The following CDH13 variants were observed in gnomAD, a reference collection of about 807,000 sequenced individuals.
CDH13 encodes cadherin 13.
In CDH13, 24 loss-of-function variants were observed where a neutral mutation model predicts 63.8. The observed-to-expected ratio is 0.38, with a 90% CI of 0.27 to 0.53. The LOEUF is 0.53. CDH13 is among the 20% of genes least tolerant of loss of function. The probability of loss-of-function intolerance (pLI) is 0.85; values close to 1 mark genes in which losing one functional copy is unlikely to be tolerated. For missense variants in CDH13, 1,049 were observed against 903.1 expected, an observed-to-expected ratio of 1.16 and a Z score of -2.07; for synonymous variants, 503 against 355.3, an observed-to-expected ratio of 1.42 and a Z score of -4.67.
At chr16:83,676,427 C>G (rs1914961246) in intron 9 of CDH13, among the ~76,000 whole-genome samples, 1 of 152,174 alleles carries the variant, frequency 6.6e-6, no homozygotes, top group Admixed American at 6.5e-5. Flanking sequence ...TCTGTCCCCT[C>G]CAGGATCCTA....
chr16:82,812,031 C>T (rs1564024), intron 1 of CDH13, among the ~76,000 whole-genome samples: 4 of 151,926 alleles, frequency 2.6e-5, no homozygotes, highest in Non-Finnish European at 4.4e-5. Context: ...GACCAGGTTA[C>T]GAAGGGATGT....
Position 83,349,687 on chromosome 16 carries a change from G to A in CDH13, c.781+4681G>A, listed in dbSNP as rs149377788. ...ATGATCTCAGCTCACTGCAACCTGTGCCTCCTGCATTCAAGCAATTCTCCT... is the reference window on the plus strand; with the variant it reads ...ATGATCTCAGCTCACTGCAACCTGTACCTCCTGCATTCAAGCAATTCTCCT... On this transcript the variant is annotated intron_variant, in intron 6 of 13. Transcript: ENST00000567109. Among the ~76,000 whole-genome samples, 930 of 151,940 alleles carry A rather than the reference G, an allele frequency of 6.1e-3. 14 individuals are homozygous for A. Among genetic ancestry groups the A allele is most frequent in the African/African-American group, 0.022 (902 of 41,412 alleles).
At chr16:83,495,506 T>G (rs1017117330) in intron 7 of CDH13, among the ~76,000 whole-genome samples, 3 of 152,174 alleles carry the variant, frequency 2.0e-5, no homozygotes, top group Admixed American at 1.3e-4. Context: ...GGTATCAGAC[T>G]CTTAGTTAAT....
intron 2 of CDH13, among the ~76,000 whole-genome samples, chr16:82,894,324 C>T (rs1280366872): frequency 6.6e-6 from 1 of 152,198 alleles, no homozygotes; most frequent in Non-Finnish European, 1.5e-5. Context: ...AGGCAACTGA[C>T]ATTTTACTGG....
chr16:83,431,187 T>C (rs1186710634), intron 6 of CDH13, among the ~76,000 whole-genome samples: 1 of 151,990 alleles, frequency 6.6e-6, no homozygotes, highest in East Asian at 1.9e-4. Flanking sequence ...ATGGTGTATA[T>C]GTGCCACATT....
intron 5 of CDH13, among the ~76,000 whole-genome samples, chr16:83,292,693 C>G (rs147755974): frequency 6.6e-6 from 1 of 152,168 alleles, no homozygotes; most frequent in Admixed American, 6.6e-5. Flanking sequence ...CGTTGGGAAT[C>G]TCATTAAAAA....
At chr16:82,643,418 C>T (rs16957941) in intron 1 of CDH13, among the ~76,000 whole-genome samples, 1,796 of 152,226 alleles carry the variant, frequency 0.012, 39 homozygotes, top group African/African-American at 0.041. Flanking sequence ...GATCAGAAAG[C>T]GGAAGCAGAA....
At chr16:83,240,801 A>ATCC (rs1904369306) in intron 5 of CDH13, among the ~76,000 whole-genome samples, 1 of 128,320 alleles carries the variant, frequency 7.8e-6, no homozygotes, top group Admixed American at 9.8e-5. Context: ...TGCTCAAGTG[A>ATCC]TCCTCCTGTC....
At position 82,933,777 on chromosome 16, in the gene CDH13, C is replaced by T. The variant is rs566179719; in HGVS notation, c.157+75304C>T. On this transcript the variant is annotated intron_variant, in intron 2 of 13. Transcript: ENST00000567109. ...GCCAAAACATAGGGGCTACAGGATC[C>T]GGGCAAGTCTGAAATCCAACAAGGC... Among the ~76,000 whole-genome samples the T allele has an allele frequency of 3.9e-5, 6 of 152,286 alleles. No individual in the cohort carries two copies. In the South Asian group the frequency reaches 6.2e-4, roughly 16 times the overall value.
intron 5 of CDH13, among the ~76,000 whole-genome samples, chr16:83,303,166 T>G (rs1014118676): frequency 3.9e-5 from 6 of 152,304 alleles, no homozygotes; most frequent in Non-Finnish European, 5.9e-5. Flanking sequence ...CATGGGCCAG[T>G]GTTGGGGCCA....
At chr16:83,192,097 C>A (rs1372423766) in intron 4 of CDH13, among the ~76,000 whole-genome samples, 1 of 152,172 alleles carries the variant, frequency 6.6e-6, no homozygotes, top group Non-Finnish European at 1.5e-5. Flanking sequence ...TTATTTATAC[C>A]ACCTGGCACA....
chr16:83,009,654 A>T (rs1346411433), intron 2 of CDH13, among the ~76,000 whole-genome samples: 1 of 152,182 alleles, frequency 6.6e-6, no homozygotes, highest in East Asian at 1.9e-4. Context: ...TGTTCTTTTT[A>T]AAAAATTGTA....
At chr16:82,899,734 G>A (rs555551550) in intron 2 of CDH13, among the ~76,000 whole-genome samples, 1 of 152,168 alleles carries the variant, frequency 6.6e-6, no homozygotes, top group South Asian at 2.1e-4. Flanking sequence ...CATTTAGTGT[G>A]GACACATTCC....
chr16:83,014,030 C>G (rs1279399476), intron 2 of CDH13, among the ~76,000 whole-genome samples: 1 of 152,012 alleles, frequency 6.6e-6, no homozygotes, highest in Non-Finnish European at 1.5e-5. Flanking sequence ...AAATGGCAAA[C>G]AAGACACTTT....
chr16:83,552,915 C>A (rs1006556434), intron 7 of CDH13, among the ~76,000 whole-genome samples: 1 of 152,064 alleles, frequency 6.6e-6, no homozygotes, highest in Non-Finnish European at 1.5e-5. Flanking sequence ...CCTGTCTCTA[C>A]TAAAATGACA....
chr16:83,684,463 G>A (rs191521146), intron 10 of CDH13, among the ~76,000 whole-genome samples: 1 of 152,256 alleles, frequency 6.6e-6, no homozygotes. Flanking sequence ...TGAAACATGG[G>A]AACTAACGCT....
chr16:82,720,677 GTT>G (rs11385287), intron 1 of CDH13, among the ~76,000 whole-genome samples: 7 of 147,666 alleles, frequency 4.7e-5, no homozygotes, highest in African/African-American at 1.5e-4. Flanking sequence ...AAGAGTTAGT[GTT>G]TTTTTTTTTC....
At chr16:82,978,924 A>C (rs534618085) in intron 2 of CDH13, among the ~76,000 whole-genome samples, 1 of 152,240 alleles carries the variant, frequency 6.6e-6, no homozygotes, top group African/African-American at 2.4e-5. Flanking sequence ...AGACACTCAA[A>C]GCTAGCCATG....
intron 10 of CDH13, among the ~76,000 whole-genome samples, chr16:83,734,359 G>A (rs1170129099): frequency 6.6e-6 from 1 of 152,150 alleles, no homozygotes; most frequent in Non-Finnish European, 1.5e-5. Flanking sequence ...CCAAGGAAAT[G>A]GGAGGTCAGT....
Sources: gnomAD v4.1 joint callset for allele counts (sites outside exome capture counted in the v4.1 genomes callset) on GRCh38, gnomAD v4.1.1 for gene constraint, MANE v1.5 for transcripts, NCBI Gene and HGNC (gene_info 2026-07-23, HGNC 2026-07-21) for gene names.